Variants in ALK observed in about 807,000 individuals in gnomAD.
The protein encoded by ALK is ALK receptor tyrosine kinase.
ALK carries 74 observed loss-of-function variants against 163.1 expected under a neutral mutation model. The ratio of observed to expected loss-of-function variants is 0.45; its 90% CI spans 0.38 to 0.55. ALK has a LOEUF of 0.55. Ranked by LOEUF, ALK falls within the 20% of genes least tolerant of loss-of-function variation. The pLI is 0.00. For missense variants in ALK, 2,063 were observed against 2,105.3 expected (o/e 0.98, Z 0.39); for synonymous variants, 960 against 843.2 (o/e 1.14, Z -2.40).
intron 3 of ALK, among the ~76,000 whole-genome samples, chr2:29,557,251 C>T (rs140477730): frequency 8.1e-4 from 123 of 152,310 alleles, no homozygotes; most frequent in African/African-American, 2.6e-3. Flanking sequence ...TGTTCTTAAG[C>T]AGCCTGGAGC....
At chr2:29,462,509 T>C (rs1671108223) in intron 4 of ALK, among the ~76,000 whole-genome samples, 1 of 152,174 alleles carries the variant, frequency 6.6e-6, no homozygotes, top group Non-Finnish European at 1.5e-5. Flanking sequence ...AGCTAAGAGA[T>C]TCTGACTCAC....
At chr2:29,840,448 T>A (rs768496033) in intron 1 of ALK, among the ~76,000 whole-genome samples, 2 of 152,230 alleles carry the variant, frequency 1.3e-5, no homozygotes, top group Non-Finnish European at 2.9e-5. Context: ...CACTTCAGTC[T>A]AGTAACAGTT....
At chr2:29,418,574 A>C (rs1211648695) in intron 4 of ALK, among the ~76,000 whole-genome samples, 1 of 152,096 alleles carries the variant, frequency 6.6e-6, no homozygotes, top group Non-Finnish European at 1.5e-5. Context: ...TCCAATGTCT[A>C]TTATTCCACT....
intron 1 of ALK, among the ~76,000 whole-genome samples, chr2:29,809,968 C>A (rs973123866): frequency 2.0e-5 from 3 of 152,158 alleles, no homozygotes; most frequent in African/African-American, 7.2e-5. Context: ...CCATGGATTT[C>A]TCATTCCAAC....
intron 8 of ALK, among the ~76,000 whole-genome samples, chr2:29,309,914 G>A (rs1010187960): frequency 3.3e-5 from 5 of 152,160 alleles, no homozygotes; most frequent in African/African-American, 1.2e-4. Flanking sequence ...TTATGCAGCA[G>A]CAACTTCCTC....
intron 11 of ALK, among the ~76,000 whole-genome samples, chr2:29,253,985 A>G (rs2148200301): frequency 6.6e-6 from 1 of 152,250 alleles, no homozygotes; most frequent in African/African-American, 2.4e-5. Context: ...GAGGGACCAG[A>G]TGGAGATAAT....
intron 3 of ALK, among the ~76,000 whole-genome samples, chr2:29,570,121 C>T (rs4233744): frequency 0.63 from 95,519 of 151,972 alleles, 30,262 homozygotes; most frequent in South Asian, 0.76. Flanking sequence ...AGGGAGGCTA[C>T]TTAGGATTAT....
At chr2:29,531,334 G>A (rs1673112386) in intron 4 of ALK, among the ~76,000 whole-genome samples, 1 of 151,976 alleles carries the variant, frequency 6.6e-6, no homozygotes, top group African/African-American at 2.4e-5. Flanking sequence ...GAGGCCTGAT[G>A]GATCACTGAG....
At position 29,297,068 on chromosome 2, in the gene ALK, G is replaced by A. The variant is rs751420024; in HGVS notation, c.1648-11C>T. The A allele has an allele frequency of 1.2e-5, 20 of 1,614,124 alleles. No homozygotes were observed. The highest frequency in any genetic ancestry group is 1.1e-4 in the East Asian group (5 of 44,874). On this transcript the variant is annotated splice_polypyrimidine_tract_variant and intron_variant, in intron 8 of 28. Transcript: ENST00000389048. ...CCAGGACATTCGGAGCTGTGAGGGC[G>A]AGAAGAGTCAGAGGACAAGGTATGA...
At position 29,487,081 on chromosome 2, in the gene ALK, C is replaced by A. The variant is rs1671792528; in HGVS notation, c.1154+44834G>T. Among the ~76,000 whole-genome samples, 4 of 152,112 alleles carry A rather than the reference C, an allele frequency of 2.6e-5. No individual in the cohort carries two copies. In the South Asian group the frequency reaches 8.3e-4, roughly 32 times the overall value. ...AGAGGGGATCATTTTCTTCAGGAAG[C>A]AGGACTATGCATTTTCAGCTTCTGG... On this transcript the variant is annotated intron_variant, in intron 4 of 28. Transcript: ENST00000389048.
chr2:29,625,605 G>C (rs561774755), intron 3 of ALK, among the ~76,000 whole-genome samples: 1 of 152,342 alleles, frequency 6.6e-6, no homozygotes, highest in South Asian at 2.1e-4. Flanking sequence ...GAAATCTGTT[G>C]TTAGGCATTT....
chr2:29,361,352 T>C (rs1668384327), intron 5 of ALK, among the ~76,000 whole-genome samples: 1 of 152,194 alleles, frequency 6.6e-6, no homozygotes, highest in Non-Finnish European at 1.5e-5. Flanking sequence ...ATATTCCACA[T>C]TCCAAGTCCA....
chr2:29,755,236 G>A lies in ALK; in HGVS notation c.668-37539C>T, dbSNP rs192304367. Among the ~76,000 whole-genome samples, 702 of 152,308 alleles carry A rather than the reference G, an allele frequency of 4.6e-3. 10 individuals are homozygous for A. The highest frequency in any genetic ancestry group is 0.015 in the African/African-American group (641 of 41,566). ...CTTTAGTCAGAAACACCTCAACCCTGCACTCAAAGGGACTCATGGACTTGG... is the reference window on the plus strand; with the variant it reads ...CTTTAGTCAGAAACACCTCAACCCTACACTCAAAGGGACTCATGGACTTGG... On this transcript the variant is annotated intron_variant, in intron 1 of 28. Coordinates refer to ENST00000389048, the MANE Select transcript of ALK (RefSeq NM_004304.5).
chr2:29,257,773 C>A (rs2148202969), intron 11 of ALK, among the ~76,000 whole-genome samples: 1 of 152,326 alleles, frequency 6.6e-6, no homozygotes, highest in Middle Eastern at 3.4e-3. Context: ...CATACAGAGC[C>A]ATTTTGATGG....
intron 4 of ALK, among the ~76,000 whole-genome samples, chr2:29,452,325 T>A (rs996840459): frequency 6.4e-5 from 5 of 78,306 alleles, no homozygotes; most frequent in Non-Finnish European, 9.4e-5. Flanking sequence ...TCACTCAAGT[T>A]TTTTTTGTTT....
chr2:29,265,575 A>G lies in ALK; in HGVS notation c.2041+9524T>C, dbSNP rs112951487. Among the ~76,000 whole-genome samples, 613 of 152,252 alleles carry G rather than the reference A, an allele frequency of 4.0e-3. 5 individuals are homozygous for G. The highest frequency in any genetic ancestry group is 0.013 in the African/African-American group (529 of 41,546). ...AAGCCTTGTTTTCTTTCTTTTTAAC[A>G]TTTTTCCTAGAATATGATCATTGTT... On this transcript the variant is annotated intron_variant, in intron 11 of 28. Transcript: ENST00000389048.
intron 4 of ALK, among the ~76,000 whole-genome samples, chr2:29,420,155 T>TGAA (rs1491198274): frequency 1.3e-4 from 5 of 39,472 alleles, no homozygotes; most frequent in Non-Finnish European, 3.2e-4. Flanking sequence ...AGACCCTGTC[T>TGAA]TAAAAAAAAA....
At chr2:29,763,086 CAAAAAAA>C (rs1034835014) in intron 1 of ALK, among the ~76,000 whole-genome samples, 5 of 53,094 alleles carry the variant, frequency 9.4e-5, no homozygotes, top group Non-Finnish European at 1.6e-4. Context: ...GACTCCATCT[CAAAAAAA>C]AAAAAAAAAA....
intron 3 of ALK, among the ~76,000 whole-genome samples, chr2:29,540,638 G>C (rs1207631544): frequency 2.1e-5 from 3 of 144,958 alleles, no homozygotes; most frequent in Non-Finnish European, 4.5e-5. Context: ...ACTCTGTTAT[G>C]AGATTCCAGC....
Sources: allele counts gnomAD v4.1 joint callset (sites outside exome capture counted in the v4.1 genomes callset), GRCh38; gene constraint gnomAD v4.1.1; transcripts MANE v1.5; gene names NCBI Gene and HGNC (gene_info 2026-07-23, HGNC 2026-07-21).